The following ASTN2 variants were observed in gnomAD, a reference collection of about 807,000 sequenced individuals.
ASTN2 encodes astrotactin 2.
In ASTN2, 54 loss-of-function variants were observed where a neutral mutation model predicts 139.8. The ratio of observed to expected loss-of-function variants is 0.39; its 90% CI spans 0.31 to 0.48. The LOEUF (loss-of-function observed/expected upper bound fraction) is 0.48. Ranked by LOEUF, ASTN2 falls within the 20% of genes least tolerant of loss-of-function variation. The pLI, the probability that ASTN2 is intolerant of heterozygous loss-of-function variation, is 0.95. For missense variants in ASTN2, 1,565 were observed against 1,725.1 expected, an observed-to-expected ratio of 0.91 and a Z score of 1.64; for synonymous variants, 756 against 719.5, an observed-to-expected ratio of 1.05 and a Z score of -0.81.
chr9:116,846,548 G>A (rs1007755451), intron 11 of ASTN2, among the ~76,000 whole-genome samples: 1 of 152,134 alleles, frequency 6.6e-6, no homozygotes, highest in Admixed American at 6.5e-5. Context: ...ATGCTACTGC[G>A]TGGCTGGGTT....
intron 3 of ASTN2, among the ~76,000 whole-genome samples, chr9:117,211,663 G>A (rs1832133562): frequency 1.3e-5 from 2 of 152,140 alleles, no homozygotes; most frequent in African/African-American, 2.4e-5. Context: ...TTATAGCAGT[G>A]TGAGAACAGA....
chr9:116,834,031 G>A (rs1307379156), intron 11 of ASTN2, among the ~76,000 whole-genome samples: 1 of 152,194 alleles, frequency 6.6e-6, no homozygotes, highest in South Asian at 2.1e-4. Flanking sequence ...AGAACTGTTA[G>A]AAATAAGTCT....
At chr9:117,345,972 A>G (rs1829201908) in intron 1 of ASTN2, among the ~76,000 whole-genome samples, 1 of 147,914 alleles carries the variant, frequency 6.8e-6, no homozygotes, top group Non-Finnish European at 1.5e-5. Flanking sequence ...TCTGGCCTAT[A>G]TTTTAATCCT....
chr9:117,408,895 T>C (rs192001867), intron 1 of ASTN2, among the ~76,000 whole-genome samples: 2 of 152,156 alleles, frequency 1.3e-5, no homozygotes, highest in East Asian at 1.9e-4. Flanking sequence ...GGCTTTGAGA[T>C]GGAAAGAAGT....
At chr9:116,820,312 G>A (rs777281470) in intron 12 of ASTN2, among the ~76,000 whole-genome samples, 1 of 152,224 alleles carries the variant, frequency 6.6e-6, no homozygotes, top group Non-Finnish European at 1.5e-5. Flanking sequence ...CATACAGGTA[G>A]ATTCAGAAGG....
chr9:117,235,105 G>T (rs1005366334), intron 2 of ASTN2, among the ~76,000 whole-genome samples: 2 of 152,038 alleles, frequency 1.3e-5, no homozygotes, highest in Non-Finnish European at 2.9e-5. Context: ...ATGGTGACAG[G>T]CACCTGTAAT....
At chr9:116,719,106 G>C (rs1481724304) in intron 16 of ASTN2, among the ~76,000 whole-genome samples, 1 of 151,428 alleles carries the variant, frequency 6.6e-6, no homozygotes, top group African/African-American at 2.4e-5. Context: ...CAGGGAGGCA[G>C]GGTAGATGCA....
At chr9:117,197,789 C>T (rs1831555804) in intron 3 of ASTN2, among the ~76,000 whole-genome samples, 1 of 152,022 alleles carries the variant, frequency 6.6e-6, no homozygotes, top group African/African-American at 2.4e-5. Context: ...CTTTTTTTGT[C>T]TGAAAGGTCT....
chr9:117,154,943 C>T (rs142649080), intron 3 of ASTN2, among the ~76,000 whole-genome samples: 7 of 152,166 alleles, frequency 4.6e-5, no homozygotes, highest in Non-Finnish European at 8.8e-5. Flanking sequence ...CCACTCACCA[C>T]AAGCCTAGGA....
At chr9:117,065,100 TG>T (rs1827894900) in intron 5 of ASTN2, among the ~76,000 whole-genome samples, 1 of 152,220 alleles carries the variant, frequency 6.6e-6, no homozygotes, top group Admixed American at 6.5e-5. Context: ...AAACAGGGAT[TG>T]GAGCAATGCA....
intron 1 of ASTN2, among the ~76,000 whole-genome samples, chr9:117,304,551 T>A (rs1457928495): frequency 6.6e-6 from 1 of 152,188 alleles, no homozygotes; most frequent in East Asian, 1.9e-4. Context: ...CCCCTCCTCC[T>A]TCTAATCAAA....
At chr9:117,260,921 T>C (rs2133108047) in intron 2 of ASTN2, among the ~76,000 whole-genome samples, 2 of 152,316 alleles carry the variant, frequency 1.3e-5, no homozygotes, top group East Asian at 3.9e-4. Flanking sequence ...AACTGAAAAG[T>C]ATGCTACACA....
At chr9:116,852,023 A>G (rs537086951) in intron 11 of ASTN2, among the ~76,000 whole-genome samples, 1 of 152,328 alleles carries the variant, frequency 6.6e-6, no homozygotes, top group East Asian at 1.9e-4. Flanking sequence ...AAACAGAGTC[A>G]TGTTGAGAAA....
chr9:116,932,274 C>T (rs1436494401), intron 10 of ASTN2, among the ~76,000 whole-genome samples: 2 of 152,126 alleles, frequency 1.3e-5, no homozygotes, highest in Non-Finnish European at 2.9e-5. Flanking sequence ...TGCCATCTAA[C>T]AATGGAGACA....
intron 10 of ASTN2, among the ~76,000 whole-genome samples, chr9:116,950,689 C>A (rs151274583): frequency 0.013 from 2,016 of 152,180 alleles, 27 homozygotes; most frequent in Non-Finnish European, 0.023. Flanking sequence ...CTCCAGCCCC[C>A]CTTCTCTTTT....
chr9:117,205,051 G>T (rs550477679), intron 3 of ASTN2, among the ~76,000 whole-genome samples: 1 of 152,182 alleles, frequency 6.6e-6, no homozygotes, highest in Non-Finnish European at 1.5e-5. Flanking sequence ...TAAAATAAAT[G>T]CAGACTGTCC....
At chr9:116,468,235 T>C (rs1848709875) in intron 20 of ASTN2, among the ~76,000 whole-genome samples, 1 of 151,634 alleles carries the variant, frequency 6.6e-6, no homozygotes, top group African/African-American at 2.4e-5. Context: ...TCTTTCCTTT[T>C]TCAGAAAGAG....
chr9:116,521,899 G>A (rs1178215116), intron 19 of ASTN2, among the ~76,000 whole-genome samples: 4 of 151,944 alleles, frequency 2.6e-5, no homozygotes, highest in Non-Finnish European at 4.4e-5. Context: ...AATGGCCAAC[G>A]AGCATATAAA....
intron 10 of ASTN2, among the ~76,000 whole-genome samples, chr9:116,932,955 A>G (rs58977436): frequency 0.052 from 7,545 of 145,654 alleles, 234 homozygotes; most frequent in African/African-American, 0.09. Context: ...TCAGGGAGCC[A>G]AGATTGAGCC....
Sources: gnomAD v4.1 joint callset for allele counts (sites outside exome capture counted in the v4.1 genomes callset) on GRCh38, gnomAD v4.1.1 for gene constraint, MANE v1.5 for transcripts, NCBI Gene and HGNC (gene_info 2026-07-23, HGNC 2026-07-21) for gene names.